Variants in NELL1 observed in about 807,000 individuals in gnomAD.
The protein encoded by NELL1 is neural EGFL like 1, also known as protein kinase C-binding protein NELL1.
Under a neutral mutation model 107.4 loss-of-function variants are expected in NELL1, and 76 were observed. That is an observed-to-expected ratio of 0.71 (90% CI 0.59 to 0.86). The LOEUF is 0.86. Ranked by LOEUF, NELL1 falls within the 40% of genes least tolerant of loss-of-function variation. The pLI, the probability that NELL1 is intolerant of heterozygous loss-of-function variation, is 0.00. For missense variants in NELL1, 1,024 were observed against 1,005.5 expected, an observed-to-expected ratio of 1.02 and a Z score of -0.25; for synonymous variants, 353 against 341.2, an observed-to-expected ratio of 1.03 and a Z score of -0.38.
intron 14 of NELL1, among the ~76,000 whole-genome samples, chr11:21,279,482 C>A (rs367967491): frequency 6.6e-6 from 1 of 152,112 alleles, no homozygotes; most frequent in African/African-American, 2.4e-5. Context: ...CACTAGGTAG[C>A]TAATAAACAT....
At chr11:21,152,611 A>G (rs1472243057) in intron 13 of NELL1, among the ~76,000 whole-genome samples, 3 of 152,204 alleles carry the variant, frequency 2.0e-5, no homozygotes, top group Non-Finnish European at 4.4e-5. Context: ...TTAGATGTCA[A>G]GTTATTAGCA....
chr11:21,078,476 A>G (rs1475679989), intron 12 of NELL1, among the ~76,000 whole-genome samples: 1 of 152,192 alleles, frequency 6.6e-6, no homozygotes, highest in Non-Finnish European at 1.5e-5. Flanking sequence ...ACACATTAAA[A>G]AGAAAATATA....
intron 5 of NELL1, among the ~76,000 whole-genome samples, chr11:20,895,948 T>A (rs1849727972): frequency 6.6e-6 from 1 of 152,322 alleles, no homozygotes; most frequent in Admixed American, 6.5e-5. Context: ...ACATTTTCTT[T>A]TTTTTAAATT....
chr11:20,738,196 A>G (rs11828726), intron 2 of NELL1, among the ~76,000 whole-genome samples: 7,842 of 152,186 alleles, frequency 0.052, 644 homozygotes, highest in African/African-American at 0.18. Flanking sequence ...CCAGGTAAGC[A>G]TCCCAGAAGA....
At chr11:20,899,006 G>A (rs764814294) in intron 5 of NELL1, among the ~76,000 whole-genome samples, 1 of 152,020 alleles carries the variant, frequency 6.6e-6, no homozygotes, top group Non-Finnish European at 1.5e-5. Context: ...TATATGCATA[G>A]TAGGTAATTA....
chr11:20,779,304 A>C (rs566506610), intron 2 of NELL1, among the ~76,000 whole-genome samples: 2 of 152,178 alleles, frequency 1.3e-5, no homozygotes, highest in Non-Finnish European at 2.9e-5. Flanking sequence ...CTCCCATCCC[A>C]TTGTACTTGT....
intron 15 of NELL1, among the ~76,000 whole-genome samples, chr11:21,456,610 T>C (rs954374111): frequency 3.3e-5 from 5 of 152,144 alleles, no homozygotes; most frequent in African/African-American, 7.2e-5. Flanking sequence ...TGATCTTCTG[T>C]TATAATTTCT....
intron 15 of NELL1, among the ~76,000 whole-genome samples, chr11:21,526,361 G>A (rs1367552330): frequency 6.6e-6 from 1 of 152,246 alleles, no homozygotes; most frequent in Non-Finnish European, 1.5e-5. Flanking sequence ...TCCACTAGCT[G>A]CTTTCAAGGG....
At chr11:21,500,661 T>C (rs1855114890) in intron 15 of NELL1, among the ~76,000 whole-genome samples, 1 of 152,110 alleles carries the variant, frequency 6.6e-6, no homozygotes, top group Admixed American at 6.6e-5. Context: ...TCTGTTATAA[T>C]TTATCCTTAT....
chr11:20,873,651 C>T (rs1361845245), intron 4 of NELL1, among the ~76,000 whole-genome samples: 1 of 152,114 alleles, frequency 6.6e-6, no homozygotes, highest in Non-Finnish European at 1.5e-5. Flanking sequence ...AGTAACTTGT[C>T]CCAAGTCACA....
At chr11:21,495,252 T>G (rs1355697331) in intron 15 of NELL1, among the ~76,000 whole-genome samples, 7 of 152,144 alleles carry the variant, frequency 4.6e-5, no homozygotes, top group African/African-American at 1.4e-4. Context: ...AATGAAACAA[T>G]ACAATCTATG....
Position 21,370,900 on chromosome 11 carries a change from A to G in NELL1, c.1597A>G (p.Asn533Asp), listed in dbSNP as rs1851345091. ...ATACGGTGGAACGTGTGTGGCTCCC[A>G]ACAAATGTGTCTGTCCATCTGGATT... ...CRYGGTCVAP[N>D]KCVCPSGFTG... is the part of the protein sequence containing the mutation. Residue 533 changes from asparagine (N) to aspartate (D), a missense_variant, in exon 15 of 20, where the codon AAC becomes GAC. Asn to Asp is a conservative substitution (Grantham distance 23). Transcript: ENST00000357134. The G allele has an allele frequency of 8.1e-6, 13 of 1,611,708 alleles. No individual in the cohort carries two copies. Among genetic ancestry groups the G allele is most frequent in the Non-Finnish European group, 1.0e-5 (12 of 1,178,864 alleles).
intron 14 of NELL1, among the ~76,000 whole-genome samples, chr11:21,257,371 A>G (rs190385976): frequency 1.4e-4 from 21 of 152,116 alleles, no homozygotes; most frequent in African/African-American, 4.8e-4. Flanking sequence ...TTATGATAAT[A>G]CTTTATCTAG....
intron 15 of NELL1, among the ~76,000 whole-genome samples, chr11:21,464,219 C>T (rs998436511): frequency 6.6e-6 from 1 of 152,038 alleles, no homozygotes; most frequent in African/African-American, 2.4e-5. Context: ...ATATACTCCC[C>T]TCTTTTTCTG....
chr11:21,487,852 CAG>C (rs759034585), intron 15 of NELL1, among the ~76,000 whole-genome samples: 2 of 152,094 alleles, frequency 1.3e-5, no homozygotes, highest in Non-Finnish European at 2.9e-5. Context: ...TCCACTCAAA[CAG>C]AAGCTAACAA....
chr11:21,345,996 C>A (rs529504815), intron 14 of NELL1, among the ~76,000 whole-genome samples: 57 of 152,150 alleles, frequency 3.7e-4, no homozygotes, highest in Non-Finnish European at 6.6e-4. Flanking sequence ...TACATGATAG[C>A]CTGCTTTTGT....
chr11:21,094,627 C>T (rs772177184), intron 12 of NELL1, among the ~76,000 whole-genome samples: 1 of 152,202 alleles, frequency 6.6e-6, no homozygotes, highest in Non-Finnish European at 1.5e-5. Flanking sequence ...TTTCCCAAAC[C>T]TCAATTCTAG....
chr11:21,137,209 A>T (rs115093745), intron 13 of NELL1, among the ~76,000 whole-genome samples: 2,212 of 152,374 alleles, frequency 0.015, 65 homozygotes, highest in African/African-American at 0.05. Context: ...GATACAGATA[A>T]GTAAATAAGG....
At position 21,186,984 on chromosome 11, in the gene NELL1, T is replaced by C. The variant is rs1043099420; in HGVS notation, c.1427-42348T>C. ...CAAGTCACTTTAATATTGCTGACTG[T>C]CATTTCTGTCATTGGTGAAATAGAA... On this transcript the variant is annotated intron_variant, in intron 13 of 19. Transcript: ENST00000357134. Among the ~76,000 whole-genome samples, 2 of 151,948 alleles carry C rather than the reference T, an allele frequency of 1.3e-5. 1 individual carries two copies. The highest frequency in any genetic ancestry group is 4.9e-5 in the African/African-American group (2 of 41,196).
Sources: allele counts gnomAD v4.1 joint callset (sites outside exome capture counted in the v4.1 genomes callset), GRCh38; gene constraint gnomAD v4.1.1; transcripts MANE v1.5; gene names NCBI Gene and HGNC (gene_info 2026-07-23, HGNC 2026-07-21).